The following MBNL2 variants were observed in gnomAD, a reference collection of about 807,000 sequenced individuals.
The protein encoded by MBNL2 is muscleblind-like protein 2.
Under a neutral mutation model 41.9 loss-of-function variants are expected in MBNL2, and 17 were observed. The ratio of observed to expected loss-of-function variants is 0.41; its 90% CI spans 0.28 to 0.61. MBNL2 has a LOEUF of 0.61. Ranked by LOEUF, MBNL2 falls within the 20% of genes least tolerant of loss-of-function variation. The pLI, the probability that MBNL2 is intolerant of heterozygous loss-of-function variation, is 0.35. For missense variants in MBNL2, 336 were observed against 505.6 expected (o/e 0.66, Z 3.22); for synonymous variants, 195 against 182.9 (o/e 1.07, Z -0.53).
chr13:97,372,048 A>C (rs2064435731), intron 8 of MBNL2, among the ~76,000 whole-genome samples: 1 of 152,220 alleles, frequency 6.6e-6, no homozygotes, highest in South Asian at 2.1e-4. Flanking sequence ...TCAGGTGTAG[A>C]GTCAATGCAT....
intron 3 of MBNL2, among the ~76,000 whole-genome samples, chr13:97,336,069 G>A (rs1314486048): frequency 6.6e-6 from 1 of 152,086 alleles, no homozygotes; most frequent in Non-Finnish European, 1.5e-5. Flanking sequence ...ACTGACCCTG[G>A]TACTCACTGG....
At chr13:97,204,513 C>A in the MBNL2 span, among the ~76,000 whole-genome samples, 1 of 152,138 alleles carries the variant, frequency 6.6e-6, no homozygotes. Flanking sequence ...GAACTCCTAG[C>A]TTTATTTCCT....
At chr13:97,254,374 T>C (rs994671003) in intron 1 of MBNL2, among the ~76,000 whole-genome samples, 12 of 152,228 alleles carry the variant, frequency 7.9e-5, no homozygotes, top group Admixed American at 4.6e-4. Context: ...TATTTTCAAT[T>C]TTTGAAGCAT....
chr13:97,331,237 C>T (rs568428462), intron 2 of MBNL2, among the ~76,000 whole-genome samples: 3 of 152,168 alleles, frequency 2.0e-5, no homozygotes, highest in Non-Finnish European at 4.4e-5. Context: ...CATGTGTTAA[C>T]TCATTTAATC....
intron 1 of MBNL2, among the ~76,000 whole-genome samples, chr13:97,238,638 T>C (rs557802957): frequency 1.3e-5 from 2 of 152,240 alleles, no homozygotes; most frequent in South Asian, 4.2e-4. Context: ...CGTGGGCTGC[T>C]GAACTGCAAG....
At chr13:97,148,453 T>C in the MBNL2 span, among the ~76,000 whole-genome samples, 1 of 152,160 alleles carries the variant, frequency 6.6e-6, no homozygotes, top group Non-Finnish European at 1.5e-5. Flanking sequence ...ATGTAAACGA[T>C]GGACTTTGGG....
chr13:97,311,388 A>G (rs572492138), intron 2 of MBNL2, among the ~76,000 whole-genome samples: 3 of 152,328 alleles, frequency 2.0e-5, no homozygotes, highest in African/African-American at 7.2e-5. Flanking sequence ...GAGTCTTCAA[A>G]CATGGTGGTA....
At chr13:97,186,075 T>C in the MBNL2 span, among the ~76,000 whole-genome samples, 3 of 152,212 alleles carry the variant, frequency 2.0e-5, no homozygotes, top group African/African-American at 7.2e-5. Context: ...AACTCAGCCC[T>C]TGTCTCTTCA....
chr13:97,353,473 G>A (rs755352224), intron 5 of MBNL2, among the ~76,000 whole-genome samples: 59 of 152,192 alleles, frequency 3.9e-4, no homozygotes, highest in South Asian at 2.1e-4. Flanking sequence ...TATTCCATTC[G>A]CCTGACTTCC....
intron 1 of MBNL2, among the ~76,000 whole-genome samples, chr13:97,232,750 C>T (rs1263189469): frequency 1.3e-5 from 2 of 151,834 alleles, no homozygotes; most frequent in African/African-American, 2.4e-5. Context: ...GCCAGAAGTC[C>T]CTCCTCACAA....
At chr13:97,382,590 G>A (rs975484949) in intron 8 of MBNL2, among the ~76,000 whole-genome samples, 1 of 152,134 alleles carries the variant, frequency 6.6e-6, no homozygotes, top group Non-Finnish European at 1.5e-5. Flanking sequence ...AAAATCTCGG[G>A]CCTGCTTCTG....
chr13:97,158,359 T>C, the MBNL2 span, among the ~76,000 whole-genome samples: 1 of 151,996 alleles, frequency 6.6e-6, no homozygotes, highest in African/African-American at 2.4e-5. Context: ...CCTGGATTCA[T>C]TAATTTTTTG....
the MBNL2 span, among the ~76,000 whole-genome samples, chr13:97,174,994 G>A: frequency 6.6e-6 from 1 of 152,174 alleles, no homozygotes; most frequent in Non-Finnish European, 1.5e-5. Context: ...ATTACCTGTG[G>A]CAGCTGTGGA....
intron 1 of MBNL2, among the ~76,000 whole-genome samples, chr13:97,252,757 CT>C (rs1213868774): frequency 1.3e-5 from 2 of 151,752 alleles, no homozygotes; most frequent in East Asian, 3.9e-4. Context: ...TCACTTTTTC[CT>C]TGTGAGAACT....
chr13:97,376,958 A>AATATT (rs2065019828), intron 8 of MBNL2, among the ~76,000 whole-genome samples: 1 of 152,180 alleles, frequency 6.6e-6, no homozygotes, highest in Non-Finnish European at 1.5e-5. Flanking sequence ...TGCCTAGAAC[A>AATATT]ATATTATTTC....
At chr13:97,155,387 T>A in the MBNL2 span, among the ~76,000 whole-genome samples, 7 of 151,400 alleles carry the variant, frequency 4.6e-5, no homozygotes, top group South Asian at 6.3e-4. Context: ...TTTTCTTTTT[T>A]TTTTTTATTT....
the MBNL2 span, among the ~76,000 whole-genome samples, chr13:97,203,705 C>A: frequency 3.3e-5 from 5 of 152,130 alleles, no homozygotes; most frequent in Non-Finnish European, 5.9e-5. Context: ...CTCTACCTAA[C>A]CTTCATCATT....
intron 5 of MBNL2, among the ~76,000 whole-genome samples, chr13:97,351,836 C>A (rs2062496838): frequency 6.6e-6 from 1 of 151,952 alleles, no homozygotes; most frequent in Admixed American, 6.6e-5. Flanking sequence ...CCAGCCTGGC[C>A]AACATGGTGA....
chr13:97,296,733 T>G (rs1323473384), intron 2 of MBNL2, among the ~76,000 whole-genome samples: 2 of 152,192 alleles, frequency 1.3e-5, no homozygotes, highest in Admixed American at 6.5e-5. Context: ...TTTGAAGATT[T>G]TGACATACAT....
Sources: allele counts gnomAD v4.1 joint callset (sites outside exome capture counted in the v4.1 genomes callset), GRCh38; gene constraint gnomAD v4.1.1; transcripts MANE v1.5; gene names NCBI Gene and HGNC (gene_info 2026-07-23, HGNC 2026-07-21).